Variants in CCNG1 observed in about 807,000 individuals in gnomAD.
The protein encoded by CCNG1 is cyclin G1, also known as cyclin-G1.
CCNG1 carries 13 observed loss-of-function variants against 30.0 expected under a neutral mutation model. The observed-to-expected ratio is 0.43, with a 90% CI of 0.28 to 0.69. The LOEUF (loss-of-function observed/expected upper bound fraction) is 0.69. Ranked by LOEUF, CCNG1 falls within the 30% of genes least tolerant of loss-of-function variation. The pLI, the probability that CCNG1 is intolerant of heterozygous loss-of-function variation, is 0.16. For missense variants in CCNG1, 285 were observed against 331.4 expected (o/e 0.86, Z 1.09); for synonymous variants, 110 against 121.5 (o/e 0.91, Z 0.62).
At chr5:163,440,163 AT>A (rs1184830157) in intron 2 of CCNG1, among the ~76,000 whole-genome samples, 2 of 152,108 alleles carry the variant, frequency 1.3e-5, no homozygotes, top group Non-Finnish European at 2.9e-5. Flanking sequence ...GGAAACTCAT[AT>A]TTTAGTCCTC....
the CCNG1 span, chr5:163,456,866 A>C: frequency 2.7e-6 from 3 of 1,131,744 alleles, no homozygotes; most frequent in Non-Finnish European, 3.5e-6. Context: ...TTTAATTTCA[A>C]ATATTTATTT....
chr5:163,457,397 A>G, the CCNG1 span, among the ~76,000 whole-genome samples: 2 of 150,520 alleles, frequency 1.3e-5, no homozygotes, highest in African/African-American at 4.9e-5. Flanking sequence ...CAACTAACTA[A>G]TTTTTTCTCC....
chr5:163,444,452 C>A lies in CCNG1; in HGVS notation c.*782C>A, dbSNP rs1757974421. 6.6e-6 allele frequency: 1 copy of A among 152,550 alleles called. No individual in the cohort carries two copies. Among genetic ancestry groups the A allele is most frequent in the African/African-American group, 2.4e-5 (1 of 41,426 alleles). The allele number at this position is 152,550 out of a possible 1,614,324, so 9.4% of individuals were successfully genotyped here. On this transcript the variant is annotated 3_prime_UTR_variant, in exon 7 of 7. Transcript: ENST00000340828. ...GTATTAGTAACTCAAAATAAATTAT[C>A]ACTTCGAAAACTTGCTTTCCCACAC... is the stretch of plus-strand genomic sequence containing the variant.
In CCNG1 at chr5:163,441,183, A is replaced by G. The variant is rs146553841; in HGVS notation, c.370A>G (p.Ile124Val). 1.1e-5 allele frequency: 17 copies of G among 1,613,876 alleles called. No individual in the cohort carries two copies. Among genetic ancestry groups the G allele is most frequent in the Non-Finnish European group, 1.4e-5 (16 of 1,179,882 alleles). The change falls in exon 3 of 7, where the codon ATA becomes GTA. Residue 124 changes from isoleucine (I) to valine (V), a missense_variant. Ile to Val is a conservative substitution (Grantham distance 29). Transcript: ENST00000340828. ...NVPLATDLIR[I>V]SQYRFTVSDL... ...CCCATTGGCAACTGACTTGATCCGA[A>G]TAAGTCAATATAGGTTTACGGTTTC... is the stretch of plus-strand genomic sequence containing the variant.
At chr5:163,454,229 G>A in the CCNG1 span, among the ~76,000 whole-genome samples, 5 of 152,190 alleles carry the variant, frequency 3.3e-5, no homozygotes, top group East Asian at 1.9e-4. Flanking sequence ...AACTCTCCCA[G>A]TTACAAATAT....
Position 163,439,519 on chromosome 5 carries a change from AG to A in CCNG1, c.264+1del. 1 of 1,610,786 alleles carries A rather than the reference AG, an allele frequency of 6.2e-7. No homozygotes were observed. Among genetic ancestry groups the A allele is most frequent in the Non-Finnish European group, 8.5e-7 (1 of 1,177,914 alleles). On this transcript the variant is annotated frameshift_variant and splice_region_variant, in exon 2 of 7. Transcript: ENST00000340828. LOFTEE classifies it high-confidence loss of function. ...CTGGACAGATTCCTGTCTAAAATGA[AG>A]GTATGTTTGAAGCTACATTTTTGTA... is the stretch of plus-strand genomic sequence containing the variant. ...NLLDRFLSKM[K>X]VQPKHLGCVG...
intron 1 of CCNG1, 142 bp downstream of exon 1, chr5:163,437,946 G>C (rs944607858): frequency 6.6e-6 from 1 of 152,278 alleles, no homozygotes; most frequent in African/African-American, 2.4e-5. Context: ...AGGCTAGTCC[G>C]AGGCTGGAGG....
downstream of CCNG1, chr5:163,449,972 A>G (rs1758137789): frequency 6.6e-6 from 1 of 152,308 alleles, no homozygotes; most frequent in Non-Finnish European, 1.5e-5. Context: ...AAAAATCCAT[A>G]GGCCGGGCAC....
intron 6 of CCNG1, 133 bp downstream of exon 6, chr5:163,442,701 G>A (rs1757880410): frequency 1.5e-6 from 1 of 677,672 alleles, no homozygotes; most frequent in Non-Finnish European, 2.5e-6. Context: ...TGACATCACT[G>A]ATCTAGTCAG....
downstream of CCNG1, chr5:163,450,713 G>A (rs1283741922): frequency 6.6e-6 from 1 of 152,228 alleles, no homozygotes; most frequent in East Asian, 1.9e-4. Context: ...TACACTGCTG[G>A]TGGGAAAGTA....
intron 1 of CCNG1, 71 bp from the exon 2 acceptor site, chr5:163,439,186 T>G (rs187330500): frequency 2.2e-6 from 3 of 1,391,794 alleles, no homozygotes; most frequent in East Asian, 2.3e-5. Context: ...CTTGGCCCAG[T>G]GCAAAGATGG....
the CCNG1 span, chr5:163,453,300 A>G: frequency 6.6e-6 from 1 of 152,200 alleles, no homozygotes; most frequent in African/African-American, 2.4e-5. Flanking sequence ...CTGATATACA[A>G]TTAGTGACCT....
At chr5:163,455,868 G>C in the CCNG1 span, among the ~76,000 whole-genome samples, 1 of 152,184 alleles carries the variant, frequency 6.6e-6, no homozygotes. Context: ...GATCAGAATG[G>C]TGGTAGAGTT....
rs1395635271 is a variant in CCNG1 at position 163,443,692 on chromosome 5, A to T, written c.*22A>T. On this transcript the variant is annotated 3_prime_UTR_variant, in exon 7 of 7. Transcript: ENST00000340828. ...TAAATAGGATTATTACAGCACCAAA[A>T]AACTTCTCTGAAGCCTTTCTCCACA... is the stretch of plus-strand genomic sequence containing the variant. 1.3e-6 allele frequency: 2 copies of T among 1,530,426 alleles called. No individual in the cohort carries two copies. Among genetic ancestry groups the T allele is most frequent in the South Asian group, 2.4e-5 (2 of 83,924 alleles). The allele number at this position is 1,530,426 out of a possible 1,614,324, so 94.8% of individuals were successfully genotyped here. A position where few individuals can be genotyped will look rare whatever the true frequency, so the allele number is the denominator to read the frequency against.
chr5:163,456,976 G>A, the CCNG1 span: 2 of 1,612,328 alleles, frequency 1.2e-6, no homozygotes, highest in Non-Finnish European at 1.7e-6. Context: ...ATTTGGTCTT[G>A]CACCCAAGGA....
downstream of CCNG1, chr5:163,447,866 A>T (rs1204977233): frequency 6.6e-6 from 1 of 152,264 alleles, no homozygotes; most frequent in Non-Finnish European, 1.5e-5. Context: ...GTCTTAAAAA[A>T]TATTTTAAAA....
downstream of CCNG1, chr5:163,449,951 T>G (rs759623386): frequency 2.0e-5 from 3 of 152,110 alleles, no homozygotes; most frequent in Non-Finnish European, 2.9e-5. Flanking sequence ...TTTATAAAAT[T>G]TTTAGAAGAA....
intron 6 of CCNG1, among the ~76,000 whole-genome samples, 197 bp from the exon 7 acceptor site, chr5:163,443,477 C>G (rs1757931835): frequency 6.6e-6 from 1 of 152,276 alleles, no homozygotes; most frequent in Non-Finnish European, 1.5e-5. Flanking sequence ...TTGCTTTCTG[C>G]ATATGTGATA....
chr5:163,450,389 A>G (rs1457246315), downstream of CCNG1: 1 of 152,254 alleles, frequency 6.6e-6, no homozygotes, highest in African/African-American at 2.4e-5. Flanking sequence ...TTCAAAAGAC[A>G]CTATCAACAA....
Sources: allele counts gnomAD v4.1 joint callset (sites outside exome capture counted in the v4.1 genomes callset), GRCh38; gene constraint gnomAD v4.1.1; transcripts MANE v1.5; gene names NCBI Gene and HGNC (gene_info 2026-07-23, HGNC 2026-07-21).